The following LARGE1 variants were observed in gnomAD, a reference collection of about 807,000 sequenced individuals.
The protein encoded by LARGE1 is xylosyl- and glucuronyltransferase LARGE1.
LARGE1 carries 43 observed loss-of-function variants against 87.6 expected under a neutral mutation model. The observed-to-expected ratio is 0.49, with a 90% confidence interval of 0.38 to 0.63. LARGE1 has a LOEUF of 0.63. Among genes scored for constraint, LARGE1 ranks in the 30% least tolerant of loss-of-function variants. LARGE1 has a pLI of 0.00. For missense variants in LARGE1, 802 were observed against 1,000.2 expected (o/e 0.80, Z 2.67); for synonymous variants, 434 against 394.6 (o/e 1.10, Z -1.18).
At chr22:33,088,071 C>A in the LARGE1 span, among the ~76,000 whole-genome samples, 1 of 138,904 alleles carries the variant, frequency 7.2e-6, no homozygotes, top group Non-Finnish European at 1.6e-5. Flanking sequence ...CACACACAAA[C>A]ACACACACAC....
chr22:33,780,224 T>C (rs1202133791), intron 1 of LARGE1, among the ~76,000 whole-genome samples: 1 of 152,180 alleles, frequency 6.6e-6, no homozygotes, highest in Non-Finnish European at 1.5e-5. Flanking sequence ...CCTCAACTAA[T>C]TGCATCTGCA....
chr22:33,852,686 A>G (rs1333110802), intron 1 of LARGE1, among the ~76,000 whole-genome samples: 3 of 151,672 alleles, frequency 2.0e-5, no homozygotes, highest in African/African-American at 4.8e-5. Flanking sequence ...GTCTCTACTA[A>G]AAAAACATAT....
chr22:33,706,685 C>T (rs961704950), intron 2 of LARGE1, among the ~76,000 whole-genome samples: 1 of 152,220 alleles, frequency 6.6e-6, no homozygotes, highest in Non-Finnish European at 1.5e-5. Flanking sequence ...ACAGAAGATA[C>T]CTGGGCCTCA....
intron 2 of LARGE1, among the ~76,000 whole-genome samples, chr22:33,703,363 A>G (rs1437292944): frequency 6.6e-6 from 1 of 152,040 alleles, no homozygotes; most frequent in Non-Finnish European, 1.5e-5. Context: ...GTGAAAAAAA[A>G]AAAAAAAATA....
chr22:33,316,237 C>A lies in LARGE1; in HGVS notation c.1299G>T (p.Gln433His), dbSNP rs1463323644. Residue 433 changes from glutamine to histidine, a missense_variant, in exon 11 of 15, where the codon CAG becomes CAT. Physicochemically the swap from Gln to His is conservative, Grantham distance 24. This residue lies in a region of LARGE1 where 625 missense variants were observed against 841.9 expected (regional missense o/e 0.74). Transcript: ENST00000397394. ...GGTCGTCCTCGTCCAGCTCAGACAGCTGCTTCTGGAGCTGCAGGGTAGGAG... is the reference window on the plus strand; with the variant it reads ...GGTCGTCCTCGTCCAGCTCAGACAGATGCTTCTGGAGCTGCAGGGTAGGAG... ...ADVNSENLQK[Q>H]LSELDEDDLC... 1.9e-6 allele frequency: 3 copies of A among 1,613,650 alleles called. No individual in the cohort carries two copies. In the Admixed American group the frequency reaches 5.0e-5, roughly 27 times the overall value.
At chr22:33,170,115 T>C (rs939778494) in intron 11 of LARGE1, among the ~76,000 whole-genome samples, 2 of 152,044 alleles carry the variant, frequency 1.3e-5, no homozygotes, top group Non-Finnish European at 2.9e-5. Flanking sequence ...TGGTGACACA[T>C]GCCAGCACTT....
chr22:33,076,846 G>T, the LARGE1 span, among the ~76,000 whole-genome samples: 3 of 152,186 alleles, frequency 2.0e-5, no homozygotes, highest in Non-Finnish European at 4.4e-5. Context: ...TTGACCCAGA[G>T]TTCATTCTCA....
intron 9 of LARGE1, among the ~76,000 whole-genome samples, chr22:33,371,898 G>A (rs2064821281): frequency 6.6e-6 from 1 of 151,418 alleles, no homozygotes; most frequent in African/African-American, 2.4e-5. Context: ...GCAGGAGAAT[G>A]TTGTGAATGT....
chr22:33,788,055 T>A (rs1450755052), intron 1 of LARGE1, among the ~76,000 whole-genome samples: 1 of 152,210 alleles, frequency 6.6e-6, no homozygotes, highest in Non-Finnish European at 1.5e-5. Flanking sequence ...TTCTCAGCTA[T>A]GTCCACCATA....
intron 1 of LARGE1, among the ~76,000 whole-genome samples, chr22:33,901,526 T>G (rs1569023019): frequency 6.6e-6 from 1 of 152,026 alleles, no homozygotes; most frequent in Admixed American, 6.6e-5. Flanking sequence ...CCCTAATTAG[T>G]TGGGTGAGGT....
At chr22:33,596,898 T>C (rs905803177) in intron 5 of LARGE1, among the ~76,000 whole-genome samples, 9 of 152,214 alleles carry the variant, frequency 5.9e-5, no homozygotes, top group Non-Finnish European at 1.2e-4. Context: ...TGATAGGCTA[T>C]TTATTCACCT....
At chr22:33,576,282 T>A (rs555339409) in intron 5 of LARGE1, among the ~76,000 whole-genome samples, 1 of 152,354 alleles carries the variant, frequency 6.6e-6, no homozygotes, top group South Asian at 2.1e-4. Flanking sequence ...GATGGGGATA[T>A]ACTGATGCAC....
At chr22:33,207,329 T>A (rs1924734254) in intron 11 of LARGE1, among the ~76,000 whole-genome samples, 1 of 152,246 alleles carries the variant, frequency 6.6e-6, no homozygotes, top group Non-Finnish European at 1.5e-5. Context: ...AAAGCACTTT[T>A]ACTTCGCAGC....
chr22:33,824,710 A>G (rs1452110382), intron 1 of LARGE1, among the ~76,000 whole-genome samples: 1 of 152,230 alleles, frequency 6.6e-6, no homozygotes, highest in Non-Finnish European at 1.5e-5. Flanking sequence ...TAAAAATATG[A>G]CCAATTATAA....
Position 33,246,461 on chromosome 22 carries a change from C to T in LARGE1, c.1730+57768G>A, listed in dbSNP as rs568347293. The stretch of plus-strand genomic sequence containing the variant: ...AGGAGTTCGAGACCAGTCTGGCCAA[C>T]GTGGCAAAACCCTGTCTCCACCAAA... On this transcript the variant is annotated intron_variant, in intron 11 of 11. Coordinates refer to the LARGE1 transcript ENST00000608642. Among the ~76,000 whole-genome samples the T allele has an allele frequency of 7.2e-5, 11 of 151,976 alleles. No homozygotes were observed. In the South Asian group the frequency reaches 8.4e-4, roughly 12 times the overall value.
In LARGE1 at chr22:33,452,497, G is replaced by A. The variant is rs139666200; in HGVS notation, c.788-20232C>T. Among the ~76,000 whole-genome samples the A allele has an allele frequency of 2.8e-3, 423 of 152,278 alleles. 2 individuals are homozygous for A. Among genetic ancestry groups the A allele is most frequent in the Middle Eastern group, 0.017 (5 of 292 alleles). On this transcript the variant is annotated intron_variant, in intron 6 of 14. Transcript: ENST00000397394. ...CCTGGTACACCTGTCTCAGGTGAGC[G>A]GGCCACATAAAGAGGCTGTTGTCAC... is the stretch of plus-strand genomic sequence containing the variant.
intron 3 of LARGE1, among the ~76,000 whole-genome samples, chr22:33,626,978 C>T (rs533607524): frequency 2.6e-5 from 4 of 152,328 alleles, no homozygotes; most frequent in Admixed American, 2.0e-4. Flanking sequence ...ATTTAAGCGT[C>T]ATGACATGTG....
chr22:33,596,603 A>G (rs1483288772), intron 5 of LARGE1, among the ~76,000 whole-genome samples: 5 of 152,254 alleles, frequency 3.3e-5, no homozygotes, highest in Non-Finnish European at 7.3e-5. Context: ...GCATACATCC[A>G]TCAACTATTC....
At chr22:33,503,858 G>A (rs989386143) in intron 6 of LARGE1, among the ~76,000 whole-genome samples, 11 of 151,960 alleles carry the variant, frequency 7.2e-5, no homozygotes, top group African/African-American at 2.7e-4. Flanking sequence ...CAAAAACCAT[G>A]AGAACAACCT....
Sources: gnomAD v4.1 joint callset for allele counts (sites outside exome capture counted in the v4.1 genomes callset) on GRCh38, gnomAD v4.1.1 for gene constraint, gnomAD v4.1.1 regional missense constraint, MANE v1.5 for transcripts, NCBI Gene and HGNC (gene_info 2026-07-23, HGNC 2026-07-21) for gene names.